PPFIA2: variants seen among roughly 807,000 people sequenced by gnomAD.
The protein encoded by PPFIA2 is liprin-alpha-2.
A neutral mutation model predicts 175.5 loss-of-function variants in PPFIA2; 46 were observed. That is an observed-to-expected ratio of 0.26 (90% confidence interval 0.21 to 0.34). The LOEUF (loss-of-function observed/expected upper bound fraction) is 0.34. PPFIA2 is among the 10% of genes least tolerant of loss of function. The pLI is 1.00. For missense variants in PPFIA2, 1,179 were observed against 1,506.1 expected, an observed-to-expected ratio of 0.78 and a Z score of 3.60; for synonymous variants, 568 against 511.4, an observed-to-expected ratio of 1.11 and a Z score of -1.49.
At chr12:81,502,603 T>C (rs1203286131) in intron 4 of PPFIA2, among the ~76,000 whole-genome samples, 2 of 152,216 alleles carry the variant, frequency 1.3e-5, no homozygotes, top group Non-Finnish European at 2.9e-5. Flanking sequence ...TCTTCATTGA[T>C]GATTCATTCG....
intron 4 of PPFIA2, among the ~76,000 whole-genome samples, chr12:81,650,934 C>T (rs760062941): frequency 2.0e-5 from 3 of 152,064 alleles, no homozygotes; most frequent in Non-Finnish European, 4.4e-5. Flanking sequence ...TTAAATTCTA[C>T]GGAGAGGGCA....
intron 3 of PPFIA2, among the ~76,000 whole-genome samples, chr12:81,723,120 C>A (rs1596835303): frequency 6.6e-6 from 1 of 150,932 alleles, no homozygotes; most frequent in Non-Finnish European, 1.5e-5. Flanking sequence ...ATTCAGAAAC[C>A]TAGTGTTAAG....
chr12:81,305,525 C>A (rs1293480091), intron 22 of PPFIA2, among the ~76,000 whole-genome samples: 2 of 152,096 alleles, frequency 1.3e-5, no homozygotes, highest in Non-Finnish European at 2.9e-5. Context: ...TTCTCTCTAG[C>A]TACAATGGAT....
intron 4 of PPFIA2, among the ~76,000 whole-genome samples, chr12:81,548,573 T>A (rs918789631): frequency 1.3e-5 from 2 of 152,100 alleles, no homozygotes; most frequent in African/African-American, 4.8e-5. Flanking sequence ...GCTCAAGCAA[T>A]CCTCTCACCT....
chr12:81,688,511 A>AT (rs1393938526), intron 3 of PPFIA2, among the ~76,000 whole-genome samples: 2 of 151,820 alleles, frequency 1.3e-5, no homozygotes, highest in African/African-American at 4.8e-5. Context: ...ATGCAAACAA[A>AT]TAACTAGAAA....
intron 4 of PPFIA2, among the ~76,000 whole-genome samples, chr12:81,474,678 C>A (rs1459962122): frequency 2.0e-5 from 3 of 152,174 alleles, no homozygotes; most frequent in African/African-American, 7.2e-5. Context: ...TATAACTTAA[C>A]TGCTGTGAAA....
At position 81,368,803 on chromosome 12, in the gene PPFIA2, C is replaced by T. The variant is rs1358097311; in HGVS notation, c.1404G>A (p.Thr468=). The change falls in exon 13 of 33, where the codon ACG becomes ACA. Residue 468 remains threonine (T), a synonymous_variant. Transcript: ENST00000549396. ...TGGATTCAGTCAGAAGTCTATCAAC[C>T]GTATCCGATAATCTCTTGTTATGCT... is the stretch of plus-strand genomic sequence containing the variant. The part of the protein sequence containing the change: ...NEEHNKRLSD[T]VDRLLTESNE... The T allele has an allele frequency of 6.8e-6, 11 of 1,610,462 alleles. No individual in the cohort carries two copies. The highest frequency in any genetic ancestry group is 1.7e-5 in the Admixed American group (1 of 59,824).
intron 4 of PPFIA2, among the ~76,000 whole-genome samples, chr12:81,665,966 T>G (rs576582966): frequency 6.6e-6 from 1 of 152,220 alleles, no homozygotes; most frequent in South Asian, 2.1e-4. Flanking sequence ...GAACAGACAC[T>G]TCTCAAAAGA....
chr12:81,644,889 A>T (rs2065844237), intron 4 of PPFIA2, among the ~76,000 whole-genome samples: 1 of 152,114 alleles, frequency 6.6e-6, no homozygotes, highest in South Asian at 2.1e-4. Context: ...TGCTAAAAGT[A>T]TAAAACATTT....
intron 3 of PPFIA2, among the ~76,000 whole-genome samples, chr12:81,700,942 G>C (rs981256122): frequency 6.6e-6 from 1 of 151,962 alleles, no homozygotes; most frequent in East Asian, 1.9e-4. Flanking sequence ...TAATGTCACT[G>C]ACAAGTTGCA....
intron 5 of PPFIA2, among the ~76,000 whole-genome samples, chr12:81,447,017 C>T (rs879289587): frequency 2.0e-5 from 3 of 151,938 alleles, no homozygotes; most frequent in Non-Finnish European, 2.9e-5. Flanking sequence ...TCAAACTAAT[C>T]GCCGGGCACA....
intron 23 of PPFIA2, among the ~76,000 whole-genome samples, 169 bp downstream of exon 23, chr12:81,299,132 A>T (rs2047197627): frequency 6.6e-6 from 1 of 152,228 alleles, no homozygotes; most frequent in Non-Finnish European, 1.5e-5. Flanking sequence ...ATCACAAAAA[A>T]GTGTCAGCAT....
chr12:81,734,918 G>A (rs1007946509), intron 3 of PPFIA2, among the ~76,000 whole-genome samples: 13 of 151,710 alleles, frequency 8.6e-5, no homozygotes, highest in Non-Finnish European at 1.5e-4. Context: ...AAGGAATCAT[G>A]TAATATGTAA....
intron 4 of PPFIA2, among the ~76,000 whole-genome samples, chr12:81,618,258 T>G (rs902633420): frequency 2.3e-5 from 3 of 130,356 alleles, no homozygotes; most frequent in African/African-American, 5.9e-5. Flanking sequence ...TAAATCTGTG[T>G]GTGTGTGTGT....
intron 3 of PPFIA2, among the ~76,000 whole-genome samples, chr12:81,721,168 C>G (rs1174790891): frequency 6.6e-6 from 1 of 150,830 alleles, no homozygotes. Context: ...TGTAAAGCCT[C>G]TAGTGAAATG....
At chr12:81,357,989 G>C (rs1476835980) in intron 16 of PPFIA2, 93 bp downstream of exon 16, 1 of 1,226,078 alleles carries the variant, frequency 8.2e-7, no homozygotes, top group Non-Finnish European at 1.1e-6. Context: ...AAAAATGCTA[G>C]CATTTTCTAA....
At chr12:81,572,676 C>T (rs183200484) in intron 4 of PPFIA2, among the ~76,000 whole-genome samples, 1 of 152,096 alleles carries the variant, frequency 6.6e-6, no homozygotes, top group East Asian at 1.9e-4. Flanking sequence ...CCAATGAGCA[C>T]TACAAATTAG....
intron 4 of PPFIA2, among the ~76,000 whole-genome samples, chr12:81,638,606 A>G (rs2153511022): frequency 6.9e-6 from 1 of 145,446 alleles, no homozygotes; most frequent in East Asian, 2.0e-4. Context: ...GTACATAAGG[A>G]TTTCTTAGGG....
At chr12:81,611,855 T>A (rs1480848752) in intron 4 of PPFIA2, among the ~76,000 whole-genome samples, 1 of 152,098 alleles carries the variant, frequency 6.6e-6, no homozygotes, top group Non-Finnish European at 1.5e-5. Context: ...ACATCTCACA[T>A]GTCCATAGGG....
Sources: gnomAD v4.1 joint callset for allele counts (sites outside exome capture counted in the v4.1 genomes callset) on GRCh38, gnomAD v4.1.1 for gene constraint, MANE v1.5 for transcripts, NCBI Gene and HGNC (gene_info 2026-07-23, HGNC 2026-07-21) for gene names.